PCCA: variants seen among roughly 807,000 people sequenced by gnomAD.
PCCA encodes the protein propionyl-CoA carboxylase subunit alpha.
PCCA carries 74 observed loss-of-function variants against 101.3 expected under a neutral mutation model. The observed-to-expected ratio is 0.73, with a 90% CI of 0.61 to 0.89. The LOEUF (loss-of-function observed/expected upper bound fraction) is 0.89, where lower values mean the gene tolerates loss of function less well. PCCA is among the 40% of genes least tolerant of loss of function. PCCA has a pLI of 0.00. For synonymous variants in PCCA, 294 were observed against 313.6 expected, an observed-to-expected ratio of 0.94 and a Z score of 0.66; for missense variants, 891 against 907.0, an observed-to-expected ratio of 0.98 and a Z score of 0.23.
intron 21 of PCCA, among the ~76,000 whole-genome samples, chr13:100,477,907 T>C (rs1409115316): frequency 6.6e-6 from 1 of 152,212 alleles, no homozygotes; most frequent in Non-Finnish European, 1.5e-5. Context: ...CTGCAGAGCA[T>C]GAGGAACAGC....
rs199973785 is a variant in PCCA at position 100,400,624 on chromosome 13, TTAGTTC to T, written c.1747-25007_1747-25002del. Reference sequence around the variant, plus strand: ...ATATGATGATTGATCTTAGTTCTTTTTAGTTCTTTTTTTTTTTTTTTTTGAGAGTTT... The same window carrying T: ...ATATGATGATTGATCTTAGTTCTTTTTTTTTTTTTTTTTTTTTGAGAGTTT... On this transcript the variant is annotated intron_variant, in intron 19 of 23. Transcript: ENST00000376285. Among the ~76,000 whole-genome samples, 17 of 120,052 alleles carry T rather than the reference TTAGTTC, an allele frequency of 1.4e-4. 1 individual carries two copies. Among genetic ancestry groups the T allele is most frequent in the African/African-American group, 4.4e-4 (11 of 24,976 alleles). The allele number at this position is 120,052 out of a possible 152,430, so 78.8% of individuals were successfully genotyped here.
intron 19 of PCCA, among the ~76,000 whole-genome samples, chr13:100,378,048 G>A (rs971175196): frequency 2.0e-5 from 3 of 152,060 alleles, no homozygotes; most frequent in Non-Finnish European, 2.9e-5. Flanking sequence ...TTTCATGATG[G>A]TGTATATTGT....
chr13:100,335,577 C>T (rs1013443173), intron 17 of PCCA, among the ~76,000 whole-genome samples: 2 of 152,126 alleles, frequency 1.3e-5, no homozygotes, highest in African/African-American at 4.8e-5. Context: ...ATATCACTTC[C>T]CTCACTCTTC....
chr13:100,301,612 A>G lies in PCCA; in HGVS notation c.1209+9A>G. ...GTCGGGTTTATGCTGAGGTAAAATG[A>G]ATGGTGTTGGGAGGAAGGATGGTGG... On this transcript the variant is annotated intron_variant, in intron 13 of 23. Transcript: ENST00000376285. The G allele has an allele frequency of 6.2e-7, 1 of 1,613,982 alleles. No individual in the cohort carries two copies. The highest frequency in any genetic ancestry group is 1.1e-5 in the South Asian group (1 of 91,078).
intron 18 of PCCA, among the ~76,000 whole-genome samples, chr13:100,347,911 G>A (rs1180806091): frequency 6.6e-6 from 1 of 152,130 alleles, no homozygotes; most frequent in Admixed American, 6.5e-5. Flanking sequence ...TAACAGTGTA[G>A]AGCTGTAACA....
intron 6 of PCCA, among the ~76,000 whole-genome samples, chr13:100,187,912 T>C (rs1408098026): frequency 6.6e-6 from 1 of 151,228 alleles, no homozygotes; most frequent in African/African-American, 2.4e-5. Flanking sequence ...TTCCCACCCT[T>C]TCCCCCAAGT....
intron 6 of PCCA, among the ~76,000 whole-genome samples, chr13:100,195,433 A>G (rs1039173081): frequency 6.6e-6 from 1 of 152,222 alleles, no homozygotes; most frequent in Non-Finnish European, 1.5e-5. Context: ...AAACTGATTA[A>G]CAGTATTTGG....
At chr13:100,524,240 T>C (rs2087537714) in intron 22 of PCCA, among the ~76,000 whole-genome samples, 1 of 152,176 alleles carries the variant, frequency 6.6e-6, no homozygotes, top group Non-Finnish European at 1.5e-5. Context: ...CGCCCTCGAG[T>C]GTCAGCCTCT....
chr13:100,364,799 C>A (rs999907628), intron 18 of PCCA, among the ~76,000 whole-genome samples: 1 of 152,128 alleles, frequency 6.6e-6, no homozygotes, highest in African/African-American at 2.4e-5. Context: ...CACCTGTAAT[C>A]CCATACTTTG....
chr13:100,099,936 C>G (rs1039015766), intron 1 of PCCA, among the ~76,000 whole-genome samples: 1 of 152,112 alleles, frequency 6.6e-6, no homozygotes, highest in African/African-American at 2.4e-5. Context: ...GAATCTGAGT[C>G]TAGACCAGAA....
intron 7 of PCCA, among the ~76,000 whole-genome samples, chr13:100,232,588 C>T (rs1240739461): frequency 1.3e-5 from 2 of 151,922 alleles, no homozygotes; most frequent in Non-Finnish European, 2.9e-5. Context: ...GCCATGTTGC[C>T]CAGGCTAGTC....
In PCCA at chr13:100,527,731, G is replaced by C; in HGVS notation, c.2097G>C (p.Met699Ile). 1 of 1,613,688 alleles carries C rather than the reference G, an allele frequency of 6.2e-7. No homozygotes were observed. Among genetic ancestry groups the C allele is most frequent in the Non-Finnish European group, 8.5e-7 (1 of 1,179,662 alleles). Residue 699 changes from methionine (M) to isoleucine (I), a missense_variant, in exon 23 of 24, where the codon ATG becomes ATC. Physicochemically the swap from Met to Ile is conservative, Grantham distance 10. Transcript: ENST00000376285. ...VIEAMKMQNS[M>I]TAGKTGTVKS... is the part of the protein sequence containing the mutation. ...AAGCCATGAAAATGCAGAATAGTAT[G>C]ACAGCTGGGAAAACTGGCACGGTGA... is the stretch of plus-strand genomic sequence containing the variant.
intron 19 of PCCA, among the ~76,000 whole-genome samples, chr13:100,415,058 G>T (rs1205826807): frequency 6.6e-6 from 1 of 151,990 alleles, no homozygotes; most frequent in Non-Finnish European, 1.5e-5. Flanking sequence ...GATGTAAAAT[G>T]GGAGGAGGAG....
At chr13:100,139,162 T>C (rs2051559294) in intron 4 of PCCA, among the ~76,000 whole-genome samples, 1 of 152,052 alleles carries the variant, frequency 6.6e-6, no homozygotes, top group South Asian at 2.1e-4. Context: ...CTTTGTTTAC[T>C]TTCAGGAATT....
chr13:100,397,382 G>C (rs2077099842), intron 19 of PCCA, among the ~76,000 whole-genome samples: 1 of 152,116 alleles, frequency 6.6e-6, no homozygotes, highest in Non-Finnish European at 1.5e-5. Flanking sequence ...AGGATTCTGT[G>C]AGTGTGATGT....
chr13:100,169,355 C>T (rs2055380602), intron 6 of PCCA, among the ~76,000 whole-genome samples: 2 of 150,128 alleles, frequency 1.3e-5, no homozygotes, highest in African/African-American at 2.5e-5. Flanking sequence ...GTAGGAGAAT[C>T]GCTGGAACCC....
intron 12 of PCCA, among the ~76,000 whole-genome samples, chr13:100,282,268 G>T (rs938889834): frequency 9.2e-5 from 14 of 152,256 alleles, no homozygotes; most frequent in African/African-American, 3.4e-4. Flanking sequence ...GCAGTTGTGA[G>T]AGGTGACAGC....
chr13:100,182,083 TG>T (rs1193256196), intron 6 of PCCA, among the ~76,000 whole-genome samples: 1 of 148,806 alleles, frequency 6.7e-6, no homozygotes, highest in Non-Finnish European at 1.5e-5. Context: ...TTACTAATAT[TG>T]TTTTTTTCTT....
At position 100,448,906 on chromosome 13, in the gene PCCA, C is replaced by T. The variant is rs150648319; in HGVS notation, c.1846-346C>T. Among the ~76,000 whole-genome samples, 4 of 152,356 alleles carry T rather than the reference C, an allele frequency of 2.6e-5. No homozygotes were observed. In the East Asian group the frequency reaches 7.7e-4, roughly 29 times the overall value. On this transcript the variant is annotated intron_variant, in intron 20 of 23. Transcript: ENST00000376285. ...CAGTCAATTTTAGACCATGTTTATA[C>T]CCTTGAGAAACCCCACACCAATTAG...
Sources: allele counts gnomAD v4.1 joint callset (sites outside exome capture counted in the v4.1 genomes callset), GRCh38; gene constraint gnomAD v4.1.1; transcripts MANE v1.5; gene names NCBI Gene and HGNC (gene_info 2026-07-23, HGNC 2026-07-21).